The following CALN1 variants were observed in gnomAD, a reference collection of about 807,000 sequenced individuals.
CALN1 encodes calneuron 1.
A neutral mutation model predicts 30.6 loss-of-function variants in CALN1; 17 were observed. The observed-to-expected ratio is 0.56, with a 90% confidence interval of 0.38 to 0.83. The LOEUF is 0.83. Among genes scored for constraint, CALN1 ranks in the 40% least tolerant of loss-of-function variants. CALN1 has a pLI of 0.00. For synonymous variants in CALN1, 156 were observed against 131.4 expected (o/e 1.19, Z -1.28); for missense variants, 291 against 354.9 (o/e 0.82, Z 1.45).
intron 5 of CALN1, among the ~76,000 whole-genome samples, chr7:71,855,472 C>T (rs1562843679): frequency 1.3e-5 from 2 of 152,128 alleles, no homozygotes; most frequent in South Asian, 2.1e-4. Context: ...TTGGAAGCCC[C>T]AAAGGCCATA....
chr7:72,354,783 G>A (rs934762811), intron 2 of CALN1, among the ~76,000 whole-genome samples: 1 of 152,090 alleles, frequency 6.6e-6, no homozygotes, highest in Non-Finnish European at 1.5e-5. Context: ...TTACCCTATA[G>A]GCAAAGATTA....
At chr7:72,022,906 AAAAT>A (rs201852145) in intron 5 of CALN1, among the ~76,000 whole-genome samples, 1 of 139,360 alleles carries the variant, frequency 7.2e-6, no homozygotes, top group Non-Finnish European at 1.5e-5. Flanking sequence ...AACAAAAAAT[AAAAT>A]AAATAAAATT....
chr7:72,391,566 A>G (rs1805582133), intron 2 of CALN1, among the ~76,000 whole-genome samples: 2 of 152,196 alleles, frequency 1.3e-5, no homozygotes. Context: ...TGTAGCTCCC[A>G]TAATTCCCAC....
At chr7:71,790,662 C>T (rs1793329401) in intron 6 of CALN1, among the ~76,000 whole-genome samples, 2 of 152,246 alleles carry the variant, frequency 1.3e-5, no homozygotes, top group South Asian at 4.1e-4. Context: ...CTGGCTGAAA[C>T]AGCAGCACCA....
At chr7:72,314,516 C>T (rs930305561) in intron 2 of CALN1, among the ~76,000 whole-genome samples, 5 of 151,426 alleles carry the variant, frequency 3.3e-5, no homozygotes, top group East Asian at 2.0e-4. Context: ...CTCTGCCTCC[C>T]GAGTTCAAGT....
At chr7:72,343,714 G>GT (rs1013804525) in intron 2 of CALN1, among the ~76,000 whole-genome samples, 77 of 152,286 alleles carry the variant, frequency 5.1e-4, no homozygotes, top group African/African-American at 1.8e-3. Context: ...AGCTATTCCA[G>GT]TTTTTTAGCA....
At chr7:72,004,144 T>TA (rs1450185921) in intron 5 of CALN1, among the ~76,000 whole-genome samples, 1 of 152,188 alleles carries the variant, frequency 6.6e-6, no homozygotes. Flanking sequence ...ACTATATAGT[T>TA]ACAGTAATCA....
intron 3 of CALN1, among the ~76,000 whole-genome samples, chr7:72,209,370 C>T (rs1363244584): frequency 9.5e-5 from 1 of 10,572 alleles, no homozygotes; most frequent in Non-Finnish European, 1.3e-4. Context: ...CTTTCCTTCC[C>T]TCCTTCCCTC....
At chr7:72,460,660 A>G in the CALN1 span, among the ~76,000 whole-genome samples, 2 of 152,070 alleles carry the variant, frequency 1.3e-5, no homozygotes, top group East Asian at 3.9e-4. Context: ...AAGAAAGAAA[A>G]TGAAGTCCTT....
At chr7:71,944,771 CA>C (rs1182264082) in intron 5 of CALN1, among the ~76,000 whole-genome samples, 1 of 152,078 alleles carries the variant, frequency 6.6e-6, no homozygotes, top group Non-Finnish European at 1.5e-5. Context: ...GTTATGTTTA[CA>C]AACAATTGCT....
At chr7:72,205,227 G>C (rs973300905) in intron 3 of CALN1, among the ~76,000 whole-genome samples, 2 of 151,262 alleles carry the variant, frequency 1.3e-5, no homozygotes, top group Admixed American at 1.3e-4. Context: ...TTTTGAGATA[G>C]AGTCTTGCTC....
In CALN1 at chr7:72,364,153, G is replaced by T. The variant is rs551223153; in HGVS notation, c.119+39098C>A. Among the ~76,000 whole-genome samples the T allele has an allele frequency of 2.6e-5, 4 of 152,194 alleles. No individual in the cohort carries two copies. The East Asian group carries it at 7.7e-4, about 29-fold the overall frequency. On this transcript the variant is annotated intron_variant, in intron 2 of 6. Coordinates refer to ENST00000395275, the MANE Select transcript of CALN1 (RefSeq NM_031468.4). ...GACACTTGAACAAAAGAAAACTTCAGTAGAGAAGCATACCTCATTACCAGA... is the reference window on the plus strand; with the variant it reads ...GACACTTGAACAAAAGAAAACTTCATTAGAGAAGCATACCTCATTACCAGA...
intron 3 of CALN1, among the ~76,000 whole-genome samples, chr7:72,198,547 TCCTC>T (rs757471443): frequency 6.6e-6 from 1 of 151,978 alleles, no homozygotes; most frequent in African/African-American, 2.4e-5. Flanking sequence ...AGCCACATTC[TCCTC>T]CCTCCCTCCC....
chr7:71,998,192 T>C (rs1338337227), intron 5 of CALN1, among the ~76,000 whole-genome samples: 2 of 151,940 alleles, frequency 1.3e-5, no homozygotes, highest in African/African-American at 4.8e-5. Flanking sequence ...CATTCTTGGA[T>C]AAAGAAAAAC....
intron 5 of CALN1, among the ~76,000 whole-genome samples, chr7:71,940,754 G>C (rs767225804): frequency 1.3e-5 from 2 of 151,990 alleles, no homozygotes; most frequent in African/African-American, 2.4e-5. Flanking sequence ...TGAAACCACA[G>C]ACACAGACCA....
intron 5 of CALN1, among the ~76,000 whole-genome samples, chr7:71,921,590 T>G (rs375385126): frequency 3.9e-5 from 6 of 152,192 alleles, no homozygotes; most frequent in African/African-American, 1.4e-4. Flanking sequence ...CTAAGTGAGG[T>G]GCCATAATAT....
chr7:72,148,841 T>G (rs566540064), intron 3 of CALN1, among the ~76,000 whole-genome samples: 1 of 149,766 alleles, frequency 6.7e-6, no homozygotes, highest in Non-Finnish European at 1.5e-5. Flanking sequence ...GAGATGGAGG[T>G]TGCAGTGAGC....
In CALN1 at chr7:72,403,363, G is replaced by A. The variant is rs1463931264; in HGVS notation, c.7C>T (p.Leu3=). Residue 3 remains leucine, a synonymous_variant, in exon 2 of 7, where the codon CTG becomes TTG. Transcript: ENST00000395275. Reference sequence around the variant, plus strand: ...TTCCCCTCTCCGGGTTGCTCTGGCAGCCGCATCGGGGGTCCAGGGCGATGT... The same window carrying A: ...TTCCCCTCTCCGGGTTGCTCTGGCAACCGCATCGGGGGTCCAGGGCGATGT... MR[L]PEQPGEGKPE... 1 of 1,546,576 alleles carries A rather than the reference G, an allele frequency of 6.5e-7. No homozygotes were observed. The highest frequency in any genetic ancestry group is 8.7e-7 in the Non-Finnish European group (1 of 1,146,498).
intron 4 of CALN1, among the ~76,000 whole-genome samples, chr7:72,082,008 A>G (rs1312554670): frequency 6.6e-6 from 1 of 151,712 alleles, no homozygotes; most frequent in African/African-American, 2.4e-5. Flanking sequence ...TTCTTTTGAG[A>G]CAGAGTCTTG....
Sources: gnomAD v4.1 joint callset for allele counts (sites outside exome capture counted in the v4.1 genomes callset) on GRCh38, gnomAD v4.1.1 for gene constraint, MANE v1.5 for transcripts, NCBI Gene and HGNC (gene_info 2026-07-23, HGNC 2026-07-21) for gene names.